The following SMCHD1 variants were observed in gnomAD, a reference collection of about 807,000 sequenced individuals.
SMCHD1 encodes the protein structural maintenance of chromosomes flexible hinge domain containing 1, also known as structural maintenance of chromosomes flexible hinge domain-containing protein 1.
In SMCHD1, 78 loss-of-function variants were observed where a neutral mutation model predicts 254.7. That is an observed-to-expected ratio of 0.31 (90% CI 0.26 to 0.37). The LOEUF (loss-of-function observed/expected upper bound fraction) is 0.37, where lower values mean the gene tolerates loss of function less well. SMCHD1 is among the 10% of genes least tolerant of loss of function. The pLI is 1.00. For synonymous variants in SMCHD1, 766 were observed against 794.9 expected (o/e 0.96, Z 0.61); for missense variants, 1,840 against 2,408.1 (o/e 0.76, Z 4.94).
At chr18:2,712,132 A>G (rs1199205197) in intron 17 of SMCHD1, among the ~76,000 whole-genome samples, 1 of 152,010 alleles carries the variant, frequency 6.6e-6, no homozygotes, top group Non-Finnish European at 1.5e-5. Flanking sequence ...GACTAAGGTG[A>G]GTTCTTTTAA....
chr18:2,801,715 A>C (rs1202742425), intron 47 of SMCHD1, among the ~76,000 whole-genome samples: 1 of 152,148 alleles, frequency 6.6e-6, no homozygotes, highest in Non-Finnish European at 1.5e-5. Context: ...GTTACTGCTT[A>C]TAGATCACAT....
At position 2,804,094 on chromosome 18, in the gene SMCHD1, A is replaced by ATGAT. The variant is rs1007136575; in HGVS notation, c.*1551_*1554dup. On this transcript the variant is annotated 3_prime_UTR_variant, in exon 48 of 48. Coordinates refer to ENST00000320876, the MANE Select transcript of SMCHD1 (RefSeq NM_015295.3). ...TCCTTAGACATTAGATTATATGAAAATGATTGATTGATAGGTAAGAAAGGT... is the reference window on the plus strand; with the variant it reads ...TCCTTAGACATTAGATTATATGAAAATGATTGATTGATTGATAGGTAAGAAAGGT... 28 of 152,174 alleles carry ATGAT rather than the reference A, an allele frequency of 1.8e-4. No individual in the cohort carries two copies. Among genetic ancestry groups the ATGAT allele is most frequent in the Non-Finnish European group, 3.7e-4 (25 of 68,036 alleles). 9.4% of individuals were successfully genotyped at this position (152,174 alleles called of 1,614,324 possible).
At chr18:2,727,279 T>C (rs1295890751) in intron 22 of SMCHD1, 1 of 152,160 alleles carries the variant, frequency 6.6e-6, no homozygotes, top group Non-Finnish European at 1.5e-5. Context: ...ATATGAAAGA[T>C]ACCACAACCA....
Position 2,743,930 on chromosome 18 carries a change from T to C in SMCHD1, c.3801+2T>C, listed in dbSNP as rs778079305. The C allele has an allele frequency of 6.3e-7, 1 of 1,596,530 alleles. No individual in the cohort carries two copies. ...ATAGACTGGCCAGAACTAAAGGAGGTAAGTCACTTCATGTCTTCACTGAAA... is the reference window on the plus strand; with the variant it reads ...ATAGACTGGCCAGAACTAAAGGAGGCAAGTCACTTCATGTCTTCACTGAAA... On this transcript the variant is annotated splice_donor_variant, in intron 29 of 47. Coordinates refer to ENST00000320876, the MANE Select transcript of SMCHD1 (RefSeq NM_015295.3). LOFTEE classifies it high-confidence loss of function.
intron 5 of SMCHD1, 109 bp from the exon 6 acceptor site, chr18:2,688,285 G>T (rs911099332): frequency 1.6e-4 from 114 of 717,724 alleles, no homozygotes; most frequent in South Asian, 8.3e-5. Flanking sequence ...TCAGTTAGGG[G>T]TGTTTGCAGG....
At chr18:2,677,638 TG>T (rs2073782962) in intron 5 of SMCHD1, among the ~76,000 whole-genome samples, 1 of 152,226 alleles carries the variant, frequency 6.6e-6, no homozygotes, top group South Asian at 2.1e-4. Context: ...TGTTTTGTTT[TG>T]TTTTTTGAGA....
At chr18:2,699,239 A>G (rs1217320434) in intron 10 of SMCHD1, among the ~76,000 whole-genome samples, 1 of 152,022 alleles carries the variant, frequency 6.6e-6, no homozygotes, top group East Asian at 1.9e-4. Flanking sequence ...GATCAAATTT[A>G]AAAACTGGGG....
At chr18:2,792,200 A>T (rs753353870) in intron 45 of SMCHD1, among the ~76,000 whole-genome samples, 1 of 152,222 alleles carries the variant, frequency 6.6e-6, no homozygotes, top group African/African-American at 2.4e-5. Flanking sequence ...TCAAAAACAG[A>T]TTGTATGTAA....
Position 2,738,518 on chromosome 18 carries a change from T to G in SMCHD1, c.3398T>G (p.Val1133Gly), listed in dbSNP as rs749003523. ...CAGGTTTCATTCCAAGATGATCATGTGTCTTTGGAAAGTGCGTTTACAGTA... is the reference window on the plus strand; with the variant it reads ...CAGGTTTCATTCCAAGATGATCATGGGTCTTTGGAAAGTGCGTTTACAGTA... ...YCQVSFQDDH[V>G]SLESAFTVRP... is the part of the protein sequence containing the mutation. Residue 1133 changes from valine to glycine, a missense_variant, in exon 26 of 48, where the codon GTG becomes GGG. Physicochemically the swap from Val to Gly is moderately radical, Grantham distance 109 (BLOSUM62 -3). This residue lies in a region of SMCHD1 where 881 missense variants were observed against 1,009.5 expected (regional missense o/e 0.87). Transcript: ENST00000320876. The G allele has an allele frequency of 1.9e-6, 3 of 1,612,600 alleles. No homozygotes were observed. Among genetic ancestry groups the G allele is most frequent in the Non-Finnish European group, 2.5e-6 (3 of 1,179,392 alleles).
At chr18:2,658,240 T>C (rs2073132629) in intron 1 of SMCHD1, among the ~76,000 whole-genome samples, 1 of 152,206 alleles carries the variant, frequency 6.6e-6, no homozygotes, top group African/African-American at 2.4e-5. Context: ...ACTTTACCCT[T>C]CCTCTAGAAA....
intron 5 of SMCHD1, among the ~76,000 whole-genome samples, chr18:2,685,961 T>TAG (rs2074042264): frequency 6.6e-6 from 1 of 152,224 alleles, no homozygotes; most frequent in Non-Finnish European, 1.5e-5. Context: ...CAGTTTATGT[T>TAG]TACCCACATA....
intron 33 of SMCHD1, among the ~76,000 whole-genome samples, chr18:2,751,803 G>A (rs1387636406): frequency 2.0e-5 from 3 of 152,040 alleles, no homozygotes; most frequent in African/African-American, 7.2e-5. Flanking sequence ...CATACCTGGT[G>A]TTTCTGCTTT....
chr18:2,668,524 A>C (rs1027226907), intron 3 of SMCHD1, among the ~76,000 whole-genome samples: 2 of 152,226 alleles, frequency 1.3e-5, no homozygotes, highest in Admixed American at 1.3e-4. Flanking sequence ...CAGAGCTTGA[A>C]TATATAACTA....
chr18:2,795,292 C>T (rs1042059842), intron 45 of SMCHD1, among the ~76,000 whole-genome samples: 3 of 141,396 alleles, frequency 2.1e-5, no homozygotes, highest in African/African-American at 7.6e-5. Flanking sequence ...CTCCTGACCT[C>T]GTGATCCACC....
At position 2,794,787 on chromosome 18, in the gene SMCHD1, C is replaced by T. The variant is rs190568595; in HGVS notation, c.5720-1162C>T. ...ATAATTCCCAAACCTACAGATTAAA[C>T]ATTGTTAATAATTTATTGTATCACC... On this transcript the variant is annotated intron_variant, in intron 45 of 47. Coordinates refer to ENST00000320876, the MANE Select transcript of SMCHD1 (RefSeq NM_015295.3). Among the ~76,000 whole-genome samples the T allele has an allele frequency of 1.2e-4, 18 of 152,224 alleles. No individual in the cohort carries two copies. In the East Asian group the frequency reaches 3.5e-3, roughly 29 times the overall value.
At chr18:2,770,254 T>A in intron 39 of SMCHD1, 146 bp downstream of exon 39, 1 of 739,850 alleles carries the variant, frequency 1.4e-6, no homozygotes, top group Non-Finnish European at 2.1e-6. Context: ...TGGTTGATAC[T>A]GTCATTGAGA....
At chr18:2,658,961 TA>T (rs1252830156) in intron 1 of SMCHD1, among the ~76,000 whole-genome samples, 1 of 151,872 alleles carries the variant, frequency 6.6e-6, no homozygotes, top group East Asian at 1.9e-4. Context: ...CACATATATA[TA>T]TTTTTTACAC....
chr18:2,683,644 A>G (rs999093609), intron 5 of SMCHD1, among the ~76,000 whole-genome samples: 2 of 152,118 alleles, frequency 1.3e-5, no homozygotes, highest in African/African-American at 4.8e-5. Flanking sequence ...CTGGTTGATG[A>G]TATTATTCAT....
rs764313867 is a variant in SMCHD1 at position 2,763,722 on chromosome 18, C to T, written c.4652C>T (p.Thr1551Ile). ...IKGSNEEDTD[T>I]PLFIGKVRTL... ...GGCTCTAATGAGGAAGATACTGATA[C>T]CCCACTTTTTATTGGGAAAGTTAGA... Residue 1551 changes from threonine to isoleucine, a missense_variant, in exon 37 of 48, where the codon ACC (threonine) becomes ATC (isoleucine). This residue lies in a region of SMCHD1 where 881 missense variants were observed against 1,009.5 expected (regional missense o/e 0.87). Coordinates refer to ENST00000320876, the MANE Select transcript of SMCHD1 (RefSeq NM_015295.3). 1.2e-6 allele frequency: 2 copies of T among 1,609,398 alleles called. No individual in the cohort carries two copies. The highest frequency in any genetic ancestry group is 1.7e-5 in the Admixed American group (1 of 59,260).
Sources: gnomAD v4.1 joint callset for allele counts (sites outside exome capture counted in the v4.1 genomes callset) on GRCh38, gnomAD v4.1.1 for gene constraint, gnomAD v4.1.1 regional missense constraint, MANE v1.5 for transcripts, NCBI Gene and HGNC (gene_info 2026-07-23, HGNC 2026-07-21) for gene names.